ARF4: variants seen among roughly 807,000 people sequenced by gnomAD.
ARF4 encodes the protein ADP-ribosylation factor 4.
A neutral mutation model predicts 24.3 loss-of-function variants in ARF4; 5 were observed. That is an observed-to-expected ratio of 0.21 (90% confidence interval 0.11 to 0.43). The LOEUF is 0.43. Among genes scored for constraint, ARF4 ranks in the 20% least tolerant of loss-of-function variants. ARF4 has a pLI of 1.00. For synonymous variants in ARF4, 62 were observed against 73.5 expected (o/e 0.84, Z 0.80); for missense variants, 107 against 213.0 (o/e 0.50, Z 3.10).
intron 1 of ARF4, 163 bp downstream of exon 1, chr3:57,596,911 A>G (rs887919194): frequency 5.9e-6 from 4 of 676,434 alleles, no homozygotes; most frequent in Admixed American, 2.9e-5. Context: ...GGGATCGCTC[A>G]CCCTCCGCTC....
intron 1 of ARF4, among the ~76,000 whole-genome samples, chr3:57,585,512 T>A (rs923387203): frequency 6.6e-6 from 1 of 152,152 alleles, no homozygotes; most frequent in Non-Finnish European, 1.5e-5. Flanking sequence ...CATTACCTAA[T>A]GTAAACAACG....
At chr3:57,595,952 CA>C (rs1418504496) in intron 1 of ARF4, among the ~76,000 whole-genome samples, 372 of 129,218 alleles carry the variant, frequency 2.9e-3, no homozygotes, top group Middle Eastern at 8.3e-3. Flanking sequence ...ACTCCGTCTG[CA>C]AAAAAAAAAA....
At chr3:57,586,267 T>C (rs1005713077) in intron 1 of ARF4, among the ~76,000 whole-genome samples, 10 of 150,648 alleles carry the variant, frequency 6.6e-5, no homozygotes, top group African/African-American at 1.2e-4. Flanking sequence ...CAATCAAGTA[T>C]TGATTTAAGC....
chr3:57,580,025 C>A (rs1575782575), intron 3 of ARF4, among the ~76,000 whole-genome samples: 1 of 152,138 alleles, frequency 6.6e-6, no homozygotes, highest in Non-Finnish European at 1.5e-5. Flanking sequence ...CACATGAGCC[C>A]AGGAGGTTGA....
At chr3:57,579,088 G>A (rs991194762) in intron 3 of ARF4, among the ~76,000 whole-genome samples, 6 of 151,662 alleles carry the variant, frequency 4.0e-5, no homozygotes, top group African/African-American at 1.5e-4. Context: ...CCTGAGATCA[G>A]GAGTTCGAGA....
intron 3 of ARF4, among the ~76,000 whole-genome samples, chr3:57,581,456 A>C (rs2069969664): frequency 6.6e-6 from 1 of 152,220 alleles, no homozygotes; most frequent in Non-Finnish European, 1.5e-5. Flanking sequence ...CCCTTGGTCA[A>C]GAATTATTAG....
chr3:57,583,558 T>C (rs1170787019), intron 3 of ARF4, among the ~76,000 whole-genome samples: 1 of 152,208 alleles, frequency 6.6e-6, no homozygotes, highest in East Asian at 1.9e-4. Context: ...TTGTCTTACA[T>C]TCATCAGAAA....
chr3:57,581,348 A>T (rs2069968156), intron 3 of ARF4, among the ~76,000 whole-genome samples: 1 of 152,202 alleles, frequency 6.6e-6, no homozygotes, highest in Admixed American at 6.5e-5. Context: ...TAATTCTCAG[A>T]TGGTCCAAAG....
At position 57,572,122 on chromosome 3, in the gene ARF4, T is replaced by C; in HGVS notation, c.*90A>G. 1.0e-6 allele frequency: 1 copy of C among 991,666 alleles called. No individual in the cohort carries two copies. The highest frequency in any genetic ancestry group is 1.7e-5 in the Admixed American group (1 of 57,562). The allele number at this position is 991,666 out of a possible 1,614,324, so 61.4% of individuals were successfully genotyped here. ...TTCTGCCCAAACCAGTCCCAGATAC[T>C]GTTTAATAACCAAGATACAAACTAA... On this transcript the variant is annotated 3_prime_UTR_variant, in exon 6 of 6. Coordinates refer to ENST00000303436, the MANE Select transcript of ARF4 (RefSeq NM_001660.4).
chr3:57,575,501 G>A, intron 5 of ARF4, 47 bp downstream of exon 5: 1 of 1,546,444 alleles, frequency 6.5e-7, no homozygotes, highest in Non-Finnish European at 8.7e-7. Flanking sequence ...AACTATCCTA[G>A]TAAGTCTTAA....
intron 1 of ARF4, among the ~76,000 whole-genome samples, chr3:57,591,492 A>C (rs1246960201): frequency 6.7e-6 from 1 of 148,520 alleles, no homozygotes; most frequent in East Asian, 2.0e-4. Flanking sequence ...TTTGAGACAG[A>C]GTCTCACTCT....
chr3:57,575,522 G>A, intron 5 of ARF4, 26 bp downstream of exon 5: 2 of 1,599,076 alleles, frequency 1.3e-6, no homozygotes, highest in Admixed American at 1.8e-5. Context: ...TAGTCAAGAG[G>A]TTAATATCAA....
intron 1 of ARF4, among the ~76,000 whole-genome samples, chr3:57,590,860 T>C (rs922909342): frequency 3.3e-5 from 5 of 152,104 alleles, no homozygotes; most frequent in African/African-American, 1.2e-4. Flanking sequence ...TAAAATTTTT[T>C]TGTAGAGATG....
chr3:57,577,800 T>A (rs2069924538), intron 3 of ARF4, among the ~76,000 whole-genome samples: 1 of 152,076 alleles, frequency 6.6e-6, no homozygotes. Flanking sequence ...CCCAGCACTT[T>A]GGGAGGCTGA....
At chr3:57,583,869 A>C in intron 3 of ARF4, 29 bp downstream of exon 3, 1 of 1,463,830 alleles carries the variant, frequency 6.8e-7, no homozygotes, top group Non-Finnish European at 9.5e-7. Flanking sequence ...CCACAAAGAA[A>C]AGTTATAAAA....
intron 5 of ARF4, among the ~76,000 whole-genome samples, chr3:57,572,563 T>C (rs1397599048): frequency 6.6e-6 from 1 of 152,080 alleles, no homozygotes; most frequent in Non-Finnish European, 1.5e-5. Flanking sequence ...TCTACTTTTT[T>C]AGATTAAATT....
At chr3:57,578,254 G>A (rs1490934039) in intron 3 of ARF4, among the ~76,000 whole-genome samples, 1 of 151,670 alleles carries the variant, frequency 6.6e-6, no homozygotes, top group African/African-American at 2.4e-5. Context: ...TTAAGAAAAT[G>A]ATAGCAAGAA....
At chr3:57,578,082 C>T (rs746864633) in intron 3 of ARF4, among the ~76,000 whole-genome samples, 6 of 151,988 alleles carry the variant, frequency 3.9e-5, no homozygotes, top group Non-Finnish European at 7.4e-5. Flanking sequence ...CATGAATTTA[C>T]TAACTGAATT....
chr3:57,582,484 G>A (rs989583200), intron 3 of ARF4, among the ~76,000 whole-genome samples: 2 of 151,864 alleles, frequency 1.3e-5, no homozygotes, highest in African/African-American at 2.4e-5. Context: ...CTCGTGATCC[G>A]CCCGCCTCAG....
Sources: gnomAD v4.1 joint callset for allele counts (sites outside exome capture counted in the v4.1 genomes callset) on GRCh38, gnomAD v4.1.1 for gene constraint, MANE v1.5 for transcripts, NCBI Gene and HGNC (gene_info 2026-07-23, HGNC 2026-07-21) for gene names.